FSHR: variants seen among roughly 807,000 people sequenced by gnomAD.
FSHR encodes the protein follicle-stimulating hormone receptor.
In FSHR, 46 loss-of-function variants were observed where a neutral mutation model predicts 52.1. The ratio of observed to expected loss-of-function variants is 0.88; its 90% CI spans 0.70 to 1.13. The LOEUF (loss-of-function observed/expected upper bound fraction) is 1.13, where lower values mean the gene tolerates loss of function less well. FSHR is among the 50% of genes most tolerant of loss of function. The pLI is 0.00. For missense variants in FSHR, 964 were observed against 834.6 expected, an observed-to-expected ratio of 1.16 and a Z score of -1.91; for synonymous variants, 399 against 309.6, an observed-to-expected ratio of 1.29 and a Z score of -3.03.
At chr2:49,038,408 T>G (rs970851959) in intron 2 of FSHR, among the ~76,000 whole-genome samples, 1 of 151,758 alleles carries the variant, frequency 6.6e-6, no homozygotes, top group Non-Finnish European at 1.5e-5. Context: ...GATCACGAGG[T>G]CAGGAGATCG....
At chr2:49,126,391 A>G (rs1286845015) in intron 1 of FSHR, among the ~76,000 whole-genome samples, 1 of 152,216 alleles carries the variant, frequency 6.6e-6, no homozygotes, top group East Asian at 1.9e-4. Context: ...CATTCCTGCA[A>G]TAATGCATAA....
intron 8 of FSHR, among the ~76,000 whole-genome samples, chr2:48,973,164 C>G (rs1674818889): frequency 6.6e-6 from 1 of 152,164 alleles, no homozygotes; most frequent in African/African-American, 2.4e-5. Context: ...TCTCTGAATA[C>G]CTTAAGGCTG....
chr2:48,990,512 G>T, intron 5 of FSHR, 54 bp downstream of exon 5: 1 of 1,151,004 alleles, frequency 8.7e-7, no homozygotes, highest in South Asian at 1.2e-5. Flanking sequence ...GATAGCCGTT[G>T]GGCAAGACAG....
In FSHR at chr2:49,066,463, G is replaced by C. The variant is rs535537627; in HGVS notation, c.224+1756C>G. ...GGTGAGCACGGAGACTGAGGAATAC[G>C]CAAGTCTCCTCAGGTTCAGTTCAGT... On this transcript the variant is annotated intron_variant, in intron 2 of 9. Coordinates refer to ENST00000406846, the MANE Select transcript of FSHR (RefSeq NM_000145.4). Among the ~76,000 whole-genome samples, 79 of 152,142 alleles carry C rather than the reference G, an allele frequency of 5.2e-4. 2 individuals carry two copies. The Middle Eastern group carries it at 0.017, about 33-fold the overall frequency.
chr2:48,968,731 T>C lies in FSHR; in HGVS notation c.821A>G (p.His274Arg). 2 of 1,614,126 alleles carry C rather than the reference T, an allele frequency of 1.2e-6. No individual in the cohort carries two copies. The highest frequency in any genetic ancestry group is 1.7e-6 in the Non-Finnish European group (2 of 1,179,994). ...LMEASLTYPS[H>R]CCAFANWRRQ... ...TCTCCAGTTTGCAAAGGCACAGCAA[T>C]GGCTGGGATAGGTGAGGCTGGCTTC... The change falls in exon 9 of 10, where the codon CAT becomes CGT. Residue 274 changes from histidine to arginine, a missense_variant. Transcript: ENST00000406846.
At chr2:49,109,682 C>T (rs1671356370) in intron 1 of FSHR, among the ~76,000 whole-genome samples, 1 of 152,106 alleles carries the variant, frequency 6.6e-6, no homozygotes, top group South Asian at 2.1e-4. Flanking sequence ...CCTGCATCTA[C>T]CACAAGCCTG....
intron 2 of FSHR, chr2:49,059,724 C>G (rs1669212961): frequency 6.6e-6 from 1 of 152,176 alleles, no homozygotes; most frequent in Admixed American, 6.5e-5. Context: ...CAACATGGAT[C>G]AAATTCCTAA....
chr2:48,989,187 G>T (rs1453819249), intron 5 of FSHR, 133 bp from the exon 6 acceptor site: 5 of 657,316 alleles, frequency 7.6e-6, no homozygotes, highest in Non-Finnish European at 1.4e-5. Context: ...TTGTTTAGAA[G>T]ATGATCAGCT....
chr2:49,133,100 C>T (rs1316941051), intron 1 of FSHR, among the ~76,000 whole-genome samples: 1 of 151,918 alleles, frequency 6.6e-6, no homozygotes, highest in Non-Finnish European at 1.5e-5. Flanking sequence ...ACACAGAGTT[C>T]CCTCTTCCCT....
At chr2:49,042,779 CAG>C (rs1036425550) in intron 2 of FSHR, among the ~76,000 whole-genome samples, 9 of 152,094 alleles carry the variant, frequency 5.9e-5, no homozygotes, top group Admixed American at 2.6e-4. Context: ...GACAGAGAGA[CAG>C]AGGTTAATGA....
intron 1 of FSHR, among the ~76,000 whole-genome samples, chr2:49,087,737 C>A (rs983065996): frequency 2.0e-5 from 3 of 151,986 alleles, no homozygotes; most frequent in Non-Finnish European, 4.4e-5. Flanking sequence ...CAAGGGAAGG[C>A]GAAAGATGTG....
intron 8 of FSHR, among the ~76,000 whole-genome samples, chr2:48,978,168 C>T (rs570515037): frequency 1.6e-4 from 24 of 152,286 alleles, no homozygotes; most frequent in South Asian, 1.0e-3. Flanking sequence ...TAGTAAGAGG[C>T]TGAGGCAGGA....
At position 49,127,851 on chromosome 2, in the gene FSHR, T is replaced by C. The variant is rs1558456836; in HGVS notation, c.152+26415A>G. Among the ~76,000 whole-genome samples the C allele has an allele frequency of 2.4e-3, 69 of 29,018 alleles. 2 individuals are homozygous for C. Among genetic ancestry groups the C allele is most frequent in the Middle Eastern group, 0.019 (1 of 54 alleles). 19.0% of individuals were successfully genotyped at this position (29,018 alleles called of 152,430 possible). A position where few individuals can be genotyped will look rare whatever the true frequency, so the allele number is the denominator to read the frequency against. On this transcript the variant is annotated intron_variant, in intron 1 of 9. Transcript: ENST00000406846. ...CTTCCTCTTCTTCTTCTTCTTCTTC[T>C]TCTTCTTCTTCTTCTTCTTCTTCTT...
At chr2:49,037,038 C>T (rs927837955) in intron 2 of FSHR, among the ~76,000 whole-genome samples, 1 of 152,118 alleles carries the variant, frequency 6.6e-6, no homozygotes, top group South Asian at 2.1e-4. Context: ...GGAACATGAG[C>T]CCAAGTTCCA....
chr2:49,055,008 C>T (rs1467581812), intron 2 of FSHR, among the ~76,000 whole-genome samples: 1 of 152,086 alleles, frequency 6.6e-6, no homozygotes, highest in Admixed American at 6.6e-5. Context: ...CTTAAAGGAA[C>T]ACAGTGACTC....
At chr2:49,077,406 A>G (rs947919682) in intron 1 of FSHR, among the ~76,000 whole-genome samples, 5 of 152,190 alleles carry the variant, frequency 3.3e-5, no homozygotes, top group Non-Finnish European at 5.9e-5. Context: ...GGCTGCACAC[A>G]GTATGGGGAC....
At chr2:48,989,504 A>G (rs940132965) in intron 5 of FSHR, among the ~76,000 whole-genome samples, 3 of 152,160 alleles carry the variant, frequency 2.0e-5, no homozygotes, top group African/African-American at 7.2e-5. Flanking sequence ...GCTGGTGTCA[A>G]ACCCTGTGCT....
intron 8 of FSHR, among the ~76,000 whole-genome samples, chr2:48,979,805 T>TTGTG (rs749335396): frequency 8.0e-5 from 12 of 150,106 alleles, no homozygotes; most frequent in Non-Finnish European, 1.6e-4. Context: ...ATCACAGTCT[T>TTGTG]TGTGTGTGTG....
chr2:49,084,529 C>T (rs566435773), intron 1 of FSHR, among the ~76,000 whole-genome samples: 1 of 152,080 alleles, frequency 6.6e-6, no homozygotes, highest in East Asian at 1.9e-4. Flanking sequence ...GACAAAAAAA[C>T]CTTTCAAAAA....
Sources: gnomAD v4.1 joint callset for allele counts (sites outside exome capture counted in the v4.1 genomes callset) on GRCh38, gnomAD v4.1.1 for gene constraint, MANE v1.5 for transcripts, NCBI Gene and HGNC (gene_info 2026-07-23, HGNC 2026-07-21) for gene names.